Variants in NKAIN2 observed in about 807,000 individuals in gnomAD.
NKAIN2 encodes the protein sodium/potassium transporting ATPase interacting 2.
In NKAIN2, 14 loss-of-function variants were observed where a neutral mutation model predicts 32.6. The observed-to-expected ratio is 0.43, with a 90% CI of 0.28 to 0.67. The LOEUF is 0.67. Among genes scored for constraint, NKAIN2 ranks in the 30% least tolerant of loss-of-function variants. The pLI, the probability that NKAIN2 is intolerant of heterozygous loss-of-function variation, is 0.17. For missense variants in NKAIN2, 198 were observed against 258.3 expected, an observed-to-expected ratio of 0.77 and a Z score of 1.60; for synonymous variants, 80 against 87.2, an observed-to-expected ratio of 0.92 and a Z score of 0.46.
intron 3 of NKAIN2, among the ~76,000 whole-genome samples, chr6:124,499,859 C>T (rs1778216208): frequency 6.6e-6 from 1 of 152,138 alleles, no homozygotes; most frequent in Non-Finnish European, 1.5e-5. Flanking sequence ...ATTCTGCCTA[C>T]TTGGAGTTGG....
At chr6:124,629,574 T>C (rs571276585) in intron 3 of NKAIN2, among the ~76,000 whole-genome samples, 7 of 152,318 alleles carry the variant, frequency 4.6e-5, no homozygotes, top group African/African-American at 1.4e-4. Context: ...AGAAAATAAG[T>C]GCTTTTGAGC....
chr6:124,747,101 C>A lies in NKAIN2; in HGVS notation c.475-44238C>A, dbSNP rs138965772. Among the ~76,000 whole-genome samples the A allele has an allele frequency of 6.8e-3, 1,033 of 151,896 alleles. 10 individuals are homozygous for A. The highest frequency in any genetic ancestry group is 0.023 in the African/African-American group (958 of 41,472). ...GTTTATGATACTAAATTCTCAAAAC[C>A]ATTTCAAAGATAATATTCAATATTT... On this transcript the variant is annotated intron_variant, in intron 4 of 6. Coordinates refer to ENST00000368417, the MANE Select transcript of NKAIN2 (RefSeq NM_001040214.3).
intron 3 of NKAIN2, among the ~76,000 whole-genome samples, chr6:124,393,968 C>T (rs1292101748): frequency 2.6e-5 from 4 of 152,114 alleles, no homozygotes; most frequent in Non-Finnish European, 5.9e-5. Flanking sequence ...AGTTTCTAGG[C>T]AGCAAAGAAA....
intron 1 of NKAIN2, among the ~76,000 whole-genome samples, chr6:124,185,720 G>A (rs1789684699): frequency 6.6e-6 from 1 of 152,036 alleles, no homozygotes; most frequent in Non-Finnish European, 1.5e-5. Context: ...CTTAATGATA[G>A]CCCAGTTTCA....
chr6:124,371,791 A>C (rs1019972649), intron 3 of NKAIN2, among the ~76,000 whole-genome samples: 27 of 152,138 alleles, frequency 1.8e-4, no homozygotes, highest in Middle Eastern at 3.4e-3. Context: ...GGTAAAAAAA[A>C]CACACTGTAA....
chr6:124,192,827 G>A (rs1182141750), intron 1 of NKAIN2, among the ~76,000 whole-genome samples: 4 of 135,608 alleles, frequency 2.9e-5, no homozygotes, highest in South Asian at 4.6e-4. Flanking sequence ...TCGGCTCACT[G>A]CAAGCTCCGC....
At chr6:124,133,459 C>G (rs1004394257) in intron 1 of NKAIN2, among the ~76,000 whole-genome samples, 1 of 152,144 alleles carries the variant, frequency 6.6e-6, no homozygotes, top group Non-Finnish European at 1.5e-5. Context: ...CCCCAGCCAC[C>G]CTGCTCAAGA....
chr6:124,033,366 T>C (rs533791051), intron 1 of NKAIN2, among the ~76,000 whole-genome samples: 3 of 152,114 alleles, frequency 2.0e-5, no homozygotes, highest in Non-Finnish European at 4.4e-5. Context: ...GCCCTCTTCT[T>C]ACTAATTATA....
intron 1 of NKAIN2, among the ~76,000 whole-genome samples, chr6:124,272,142 A>G (rs1236111456): frequency 6.6e-6 from 1 of 152,236 alleles, no homozygotes; most frequent in Non-Finnish European, 1.5e-5. Context: ...AGAAATTTGC[A>G]TAAGTAACAA....
At chr6:123,957,135 A>G (rs1054341179) in intron 1 of NKAIN2, among the ~76,000 whole-genome samples, 1 of 152,164 alleles carries the variant, frequency 6.6e-6, no homozygotes, top group Admixed American at 6.5e-5. Context: ...ATGTGTTCTC[A>G]TCATAAAATC....
intron 3 of NKAIN2, among the ~76,000 whole-genome samples, chr6:124,581,690 TCAA>T (rs1394353058): frequency 2.6e-5 from 4 of 151,978 alleles, no homozygotes; most frequent in African/African-American, 4.8e-5. Context: ...AAACTAGAAA[TCAA>T]CAACAAGAGA....
intron 1 of NKAIN2, among the ~76,000 whole-genome samples, chr6:124,214,285 T>A (rs1791346170): frequency 6.6e-6 from 1 of 152,166 alleles, no homozygotes; most frequent in African/African-American, 2.4e-5. Context: ...TTGTGAGTAT[T>A]AATAGTAGTA....
chr6:124,634,638 T>C (rs1423106676), intron 3 of NKAIN2, among the ~76,000 whole-genome samples: 1 of 151,858 alleles, frequency 6.6e-6, no homozygotes, highest in Non-Finnish European at 1.5e-5. Flanking sequence ...TCTAGAAAAA[T>C]AAAAGATTGG....
At chr6:124,078,473 G>A (rs1562345274) in intron 1 of NKAIN2, among the ~76,000 whole-genome samples, 1 of 152,092 alleles carries the variant, frequency 6.6e-6, no homozygotes, top group African/African-American at 2.4e-5. Flanking sequence ...TCATTTTACA[G>A]ATAAGGAAAT....
intron 1 of NKAIN2, among the ~76,000 whole-genome samples, chr6:123,896,852 A>G (rs1423481015): frequency 6.6e-6 from 1 of 152,152 alleles, no homozygotes; most frequent in Non-Finnish European, 1.5e-5. Flanking sequence ...TAACTTAGAT[A>G]CTTTTTTCAT....
At chr6:124,405,698 T>C (rs1478823372) in intron 3 of NKAIN2, among the ~76,000 whole-genome samples, 1 of 152,124 alleles carries the variant, frequency 6.6e-6, no homozygotes, top group East Asian at 1.9e-4. Flanking sequence ...TTTATTATCC[T>C]AAAATATTAG....
At chr6:124,474,827 A>T (rs1037276495) in intron 3 of NKAIN2, among the ~76,000 whole-genome samples, 9 of 147,892 alleles carry the variant, frequency 6.1e-5, no homozygotes, top group Non-Finnish European at 1.2e-4. Context: ...ATACATATAT[A>T]TTTTACATAC....
intron 1 of NKAIN2, among the ~76,000 whole-genome samples, chr6:123,834,542 C>T (rs908280921): frequency 1.3e-5 from 2 of 152,082 alleles, no homozygotes; most frequent in Non-Finnish European, 2.9e-5. Context: ...TTCTTCCTTC[C>T]CAATCTGTGT....
intron 1 of NKAIN2, among the ~76,000 whole-genome samples, chr6:124,081,522 T>C (rs1043615319): frequency 6.6e-6 from 1 of 152,134 alleles, no homozygotes; most frequent in Non-Finnish European, 1.5e-5. Flanking sequence ...TTATGTATAA[T>C]GCTTGGTAAT....
Sources: gnomAD v4.1 joint callset for allele counts (sites outside exome capture counted in the v4.1 genomes callset) on GRCh38, gnomAD v4.1.1 for gene constraint, MANE v1.5 for transcripts, NCBI Gene and HGNC (gene_info 2026-07-23, HGNC 2026-07-21) for gene names.